PRDM6: variants seen among roughly 807,000 people sequenced by gnomAD.
The protein encoded by PRDM6 is putative histone-lysine N-methyltransferase PRDM6.
PRDM6 carries 25 observed loss-of-function variants against 60.8 expected under a neutral mutation model. That is an observed-to-expected ratio of 0.41 (90% CI 0.30 to 0.57). The LOEUF is 0.57. Among genes scored for constraint, PRDM6 ranks in the 20% least tolerant of loss-of-function variants. PRDM6 has a pLI of 0.27. For missense variants in PRDM6, 839 were observed against 821.3 expected, an observed-to-expected ratio of 1.02 and a Z score of -0.26; for synonymous variants, 407 against 357.4, an observed-to-expected ratio of 1.14 and a Z score of -1.57.
intron 3 of PRDM6, among the ~76,000 whole-genome samples, chr5:123,140,302 C>A (rs1291208169): frequency 2.7e-5 from 4 of 150,162 alleles, no homozygotes; most frequent in Non-Finnish European, 4.4e-5. Flanking sequence ...AGAAAAAGTT[C>A]AAAATGACAT....
At chr5:123,153,498 A>T (rs2126870913) in intron 3 of PRDM6, among the ~76,000 whole-genome samples, 1 of 152,218 alleles carries the variant, frequency 6.6e-6, no homozygotes, top group Non-Finnish European at 1.5e-5. Flanking sequence ...GGTGCATGGG[A>T]TTTGCGTCAC....
At chr5:123,178,628 T>C (rs959648682) in intron 6 of PRDM6, among the ~76,000 whole-genome samples, 9 of 152,360 alleles carry the variant, frequency 5.9e-5, no homozygotes, top group African/African-American at 2.2e-4. Context: ...TTTCTAAATG[T>C]AAGTAATTAA....
intron 6 of PRDM6, among the ~76,000 whole-genome samples, chr5:123,179,508 G>A (rs930377731): frequency 6.6e-6 from 1 of 152,188 alleles, no homozygotes; most frequent in Non-Finnish European, 1.5e-5. Flanking sequence ...CAGTGATTAT[G>A]CTATAAGTCC....
At chr5:123,137,626 C>T (rs1430103425) in intron 3 of PRDM6, among the ~76,000 whole-genome samples, 4 of 152,104 alleles carry the variant, frequency 2.6e-5, no homozygotes, top group African/African-American at 9.7e-5. Context: ...ACATCACACA[C>T]CCGGGCCTGT....
chr5:123,136,360 C>T (rs751989577), intron 3 of PRDM6, among the ~76,000 whole-genome samples: 26 of 152,012 alleles, frequency 1.7e-4, no homozygotes, highest in African/African-American at 3.9e-4. Flanking sequence ...TCATGTTGGC[C>T]GAGAACTGCT....
At chr5:123,150,209 A>T (rs1289807900) in intron 3 of PRDM6, among the ~76,000 whole-genome samples, 1 of 152,152 alleles carries the variant, frequency 6.6e-6, no homozygotes, top group African/African-American at 2.4e-5. Context: ...TTCTCAGAAA[A>T]AGAAAGTCTC....
rs574548086 is a variant in PRDM6, at chr5:123,102,679, A to T, written c.900+2718A>T. Among the ~76,000 whole-genome samples, 5 of 152,274 alleles carry T rather than the reference A, an allele frequency of 3.3e-5. No homozygotes were observed. The East Asian group carries it at 9.6e-4, about 29-fold the overall frequency. ...TTATTTTATTTTAAAAGGCAACTGT[A>T]ATCATTTCTCTTCCTCACATTTTTT... On this transcript the variant is annotated intron_variant, in intron 3 of 7. Coordinates refer to ENST00000407847, the MANE Select transcript of PRDM6 (RefSeq NM_001136239.4).
At chr5:123,120,368 A>G (rs947468722) in intron 3 of PRDM6, among the ~76,000 whole-genome samples, 1 of 152,214 alleles carries the variant, frequency 6.6e-6, no homozygotes, top group Admixed American at 6.5e-5. Flanking sequence ...TGGTGTGATC[A>G]TGATGTGATG....
rs1378645226 is a variant in PRDM6, at chr5:123,110,588, A to G, written c.900+10627A>G. The stretch of plus-strand genomic sequence containing the variant: ...TTTTTCTTTTTTTTTTTTTTTTGAG[A>G]TGGAGTTTCACTCTTGTTGCCCAGG... On this transcript the variant is annotated intron_variant, in intron 3 of 7. Transcript: ENST00000407847. Among the ~76,000 whole-genome samples the G allele has an allele frequency of 4.6e-5, 5 of 109,718 alleles. No homozygotes were observed. The Admixed American group carries it at 4.6e-4, about 10-fold the overall frequency. The allele number at this position is 109,718 out of a possible 152,430, so 72.0% of individuals were successfully genotyped here. A position where few individuals can be genotyped will look rare whatever the true frequency, so the allele number is the denominator to read the frequency against.
At chr5:123,169,645 A>C (rs1300190665) in intron 5 of PRDM6, among the ~76,000 whole-genome samples, 3 of 152,182 alleles carry the variant, frequency 2.0e-5, no homozygotes, top group African/African-American at 7.2e-5. Flanking sequence ...TTCAGTCCTG[A>C]GAGTGACTAT....
chr5:123,123,358 C>A (rs1764623468), intron 3 of PRDM6, among the ~76,000 whole-genome samples: 1 of 152,158 alleles, frequency 6.6e-6, no homozygotes, highest in Admixed American at 6.6e-5. Flanking sequence ...TGGGAAGCCA[C>A]CTGTAGTCAG....
At chr5:123,137,472 C>A (rs1434691533) in intron 3 of PRDM6, among the ~76,000 whole-genome samples, 4 of 152,192 alleles carry the variant, frequency 2.6e-5, no homozygotes. Flanking sequence ...GCTTCTTAAG[C>A]CAGTGTTTCC....
chr5:123,165,362 C>A (rs1765730443), intron 5 of PRDM6, among the ~76,000 whole-genome samples: 1 of 152,212 alleles, frequency 6.6e-6, no homozygotes, highest in African/African-American at 2.4e-5. Flanking sequence ...CTTGCTCACC[C>A]TTCTATCCAA....
At chr5:123,100,553 G>C (rs1413601777) in intron 3 of PRDM6, among the ~76,000 whole-genome samples, 1 of 152,110 alleles carries the variant, frequency 6.6e-6, no homozygotes, top group Non-Finnish European at 1.5e-5. Context: ...GGGAATCAAA[G>C]GGCCCAAATT....
chr5:123,112,886 G>T (rs1457515930), intron 3 of PRDM6, among the ~76,000 whole-genome samples: 1 of 139,664 alleles, frequency 7.2e-6, no homozygotes, highest in East Asian at 2.2e-4. Flanking sequence ...CACAACTATA[G>T]CCTGACAATT....
At chr5:123,089,602 C>T (rs1763755085) in intron 1 of PRDM6, 83 bp downstream of exon 1, 1 of 187,732 alleles carries the variant, frequency 5.3e-6, no homozygotes. Context: ...GGGCGGGCGG[C>T]GAGACTGTTC....
chr5:123,131,098 A>C (rs1430927708), intron 3 of PRDM6, among the ~76,000 whole-genome samples: 1 of 152,202 alleles, frequency 6.6e-6, no homozygotes, highest in East Asian at 1.9e-4. Context: ...ATGGTGATGC[A>C]CGTGTTCTCA....
At chr5:123,169,434 C>T (rs1481811175) in intron 5 of PRDM6, among the ~76,000 whole-genome samples, 2 of 152,230 alleles carry the variant, frequency 1.3e-5, no homozygotes, top group African/African-American at 4.8e-5. Context: ...ATCTCCCTCA[C>T]ACCCGTCGCT....
Position 123,090,579 on chromosome 5 carries a change from A to T in PRDM6, c.565A>T (p.Asn189Tyr), listed in dbSNP as rs756255118. The T allele has an allele frequency of 1.3e-6, 2 of 1,525,196 alleles. No individual in the cohort carries two copies. Among genetic ancestry groups the T allele is most frequent in the South Asian group, 2.4e-5 (2 of 83,538 alleles). 94.5% of individuals were successfully genotyped at this position (1,525,196 alleles called of 1,614,324 possible). Residue 189 changes from asparagine (N) to tyrosine (Y), a missense_variant, in exon 2 of 8, where the codon AAC (asparagine) becomes TAC (tyrosine). By Grantham distance (143) the Asn-to-Tyr change is moderately radical. Transcript: ENST00000407847. ...GQQRMEIIPL[N>Y]QHTSDPNNRC... is the part of the protein sequence containing the mutation. ...GCAGCGCATGGAGATCATCCCGCTC[A>T]ACCAGCACACCAGCGACCCCAACAA...
Sources: allele counts gnomAD v4.1 joint callset (sites outside exome capture counted in the v4.1 genomes callset), GRCh38; gene constraint gnomAD v4.1.1; transcripts MANE v1.5; gene names NCBI Gene and HGNC (gene_info 2026-07-23, HGNC 2026-07-21).